The following HDAC4 variants were observed in gnomAD, a reference collection of about 807,000 sequenced individuals.
HDAC4 encodes histone deacetylase 4, also known as histone deacetylase A.
A neutral mutation model predicts 135.1 loss-of-function variants in HDAC4; 16 were observed. The ratio of observed to expected loss-of-function variants is 0.12; its 90% CI spans 0.08 to 0.18. HDAC4 has a LOEUF of 0.18. Among genes scored for constraint, HDAC4 ranks in the 10% least tolerant of loss-of-function variants. The pLI, the probability that HDAC4 is intolerant of heterozygous loss-of-function variation, is 1.00. For synonymous variants in HDAC4, 685 were observed against 653.4 expected (o/e 1.05, Z -0.74); for missense variants, 1,143 against 1,511.8 (o/e 0.76, Z 4.05).
At chr2:239,210,047 TAGAC>T (rs541208670) in intron 3 of HDAC4, among the ~76,000 whole-genome samples, 96 of 152,286 alleles carry the variant, frequency 6.3e-4, no homozygotes, top group Non-Finnish European at 1.2e-3. Flanking sequence ...GGCTTTCTCA[TAGAC>T]AGCCGAATCT....
At chr2:239,317,726 T>C (rs2053165863) in intron 2 of HDAC4, among the ~76,000 whole-genome samples, 1 of 151,632 alleles carries the variant, frequency 6.6e-6, no homozygotes, top group Non-Finnish European at 1.5e-5. Context: ...ACTACAGGAG[T>C]CCACATTTCA....
At chr2:239,330,336 C>T (rs975889386) in intron 2 of HDAC4, among the ~76,000 whole-genome samples, 7 of 152,250 alleles carry the variant, frequency 4.6e-5, no homozygotes, top group Admixed American at 1.3e-4. Context: ...GGAGACCCCG[C>T]GAGGGAGTGG....
chr2:239,338,935 C>G (rs533934796), intron 2 of HDAC4, among the ~76,000 whole-genome samples: 3 of 152,186 alleles, frequency 2.0e-5, no homozygotes, highest in Non-Finnish European at 2.9e-5. Context: ...AGTTTTGTTT[C>G]CGGAGAGCAT....
chr2:239,107,981 C>T (rs367825741), intron 15 of HDAC4, 69 bp downstream of exon 15: 78 of 1,587,256 alleles, frequency 4.9e-5, no homozygotes, highest in Middle Eastern at 4.6e-4. Flanking sequence ...CTGAATCACG[C>T]GGGCCCACGA....
intron 1 of HDAC4, among the ~76,000 whole-genome samples, chr2:239,398,347 C>A (rs900332015): frequency 6.6e-6 from 1 of 152,204 alleles, no homozygotes; most frequent in African/African-American, 2.4e-5. Flanking sequence ...TTGGTGCCAC[C>A]CCCAACATTA....
At position 239,313,684 on chromosome 2, in the gene HDAC4, C is replaced by T. The variant is rs1286028446; in HGVS notation, c.22+38994G>A. On this transcript the variant is annotated intron_variant, in intron 2 of 26. Coordinates refer to ENST00000543185, the MANE Select transcript of HDAC4 (RefSeq NM_001378414.1). This position sits in a 1 kb window ranked among gnomAD's most constrained non-coding sequence, Gnocchi z 5.1. ...AGCGCCTCAAAAGAAAGCCAACGTA[C>T]AGCACTGGTGACAGAAAGGAAGATT... 6.6e-6 allele frequency among the ~76,000 whole-genome samples: 1 copy of T among 152,204 alleles called. No homozygotes were observed. The highest frequency in any genetic ancestry group is 2.4e-5 in the African/African-American group (1 of 41,448).
intron 2 of HDAC4, chr2:239,298,702 ACT>A: frequency 1.3e-6 from 1 of 767,170 alleles, no homozygotes; most frequent in African/African-American, 1.9e-5. Context: ...AAATCATGAC[ACT>A]CCACCTACAG....
At chr2:239,320,918 T>G (rs1006389072) in intron 2 of HDAC4, among the ~76,000 whole-genome samples, 3 of 152,230 alleles carry the variant, frequency 2.0e-5, no homozygotes, top group African/African-American at 7.2e-5. Context: ...ACTGAAATAA[T>G]TATTTTATCT....
In HDAC4 at chr2:239,068,556, C is replaced by T; in HGVS notation, c.2802G>A (p.Val934=). The part of the protein sequence containing the change: ...ASEFAPDVVL[V]SSGFDAVEGH... ...CCTCCACGGCATCGAAGCCTGATGA[C>T]ACCAGCACCACATCCGGGGCAAACT... The change falls in exon 23 of 27, where the codon GTG becomes GTA. Residue 934 remains valine, a synonymous_variant. Coordinates refer to ENST00000543185, the MANE Select transcript of HDAC4 (RefSeq NM_001378414.1). This position sits in a 1 kb window ranked among gnomAD's most constrained non-coding sequence, Gnocchi z 4.4. 2 of 1,614,122 alleles carry T rather than the reference C, an allele frequency of 1.2e-6. No individual in the cohort carries two copies. Among genetic ancestry groups the T allele is most frequent in the Non-Finnish European group, 1.7e-6 (2 of 1,180,038 alleles).
intron 3 of HDAC4, 84 bp from the exon 4 acceptor site, chr2:239,190,161 C>CCCCG: frequency 6.7e-7 from 1 of 1,484,430 alleles, no homozygotes; most frequent in Non-Finnish European, 8.9e-7. Flanking sequence ...ACACACTGGC[C>CCCCG]ACCTTCACGG....
At chr2:239,290,006 C>G (rs12476417) in intron 2 of HDAC4, among the ~76,000 whole-genome samples, 1 of 152,166 alleles carries the variant, frequency 6.6e-6, no homozygotes, top group African/African-American at 2.4e-5. Context: ...TAACAAAGTT[C>G]TATCAACTAC....
intron 1 of HDAC4, among the ~76,000 whole-genome samples, chr2:239,370,326 G>A (rs780298335): frequency 1.3e-5 from 2 of 152,208 alleles, no homozygotes; most frequent in Non-Finnish European, 2.9e-5. Flanking sequence ...TGAAAGACAT[G>A]GCTCGGGGCT....
intron 16 of HDAC4, among the ~76,000 whole-genome samples, chr2:239,099,278 G>A (rs3791393): frequency 0.29 from 44,561 of 152,138 alleles, 6,741 homozygotes; most frequent in Non-Finnish European, 0.33. Flanking sequence ...AATGGATGAA[G>A]GTGTCAGGAG....
At chr2:239,201,467 T>C (rs531767488) in intron 3 of HDAC4, among the ~76,000 whole-genome samples, 5 of 152,344 alleles carry the variant, frequency 3.3e-5, no homozygotes, top group African/African-American at 1.2e-4. Flanking sequence ...GGCTTGGGCT[T>C]TGGTTTCATT....
At position 239,080,022 on chromosome 2, in the gene HDAC4, TGA is replaced by T. The variant is rs533715727; in HGVS notation, c.2750+1071_2750+1072del. ...TGGCTGTAGACACCTGCACAAGCAC[TGA>T]GAGACATGCACACAGATGAACACCC... On this transcript the variant is annotated intron_variant, in intron 22 of 26. Coordinates refer to ENST00000543185, the MANE Select transcript of HDAC4 (RefSeq NM_001378414.1). Among the ~76,000 whole-genome samples, 123 of 150,542 alleles carry T rather than the reference TGA, an allele frequency of 8.2e-4. 2 individuals are homozygous for T. Among genetic ancestry groups the T allele is most frequent in the South Asian group, 1.5e-3 (7 of 4,794 alleles).
At chr2:239,226,409 G>A (rs2153144692) in intron 3 of HDAC4, among the ~76,000 whole-genome samples, 1 of 152,232 alleles carries the variant, frequency 6.6e-6, no homozygotes, top group East Asian at 1.9e-4. Context: ...TGCTGGGACT[G>A]CCACATAGCT....
intron 2 of HDAC4, among the ~76,000 whole-genome samples, chr2:239,271,664 G>A (rs999264142): frequency 1.3e-5 from 2 of 152,248 alleles, no homozygotes; most frequent in African/African-American, 4.8e-5. Context: ...CTGGGTGGCT[G>A]AGGCCGGCAC....
At chr2:239,066,629 G>A in intron 24 of HDAC4, 93 bp downstream of exon 24, 1 of 1,571,878 alleles carries the variant, frequency 6.4e-7, no homozygotes, top group African/African-American at 1.3e-5. Context: ...AGACCCACTG[G>A]CTTTTTCATG....
chr2:239,251,436 A>C (rs962100039), intron 2 of HDAC4, among the ~76,000 whole-genome samples: 1 of 152,144 alleles, frequency 6.6e-6, no homozygotes, highest in African/African-American at 2.4e-5. Flanking sequence ...CCTATCAACA[A>C]TACAAAAAAT....
Sources: allele counts gnomAD v4.1 joint callset (sites outside exome capture counted in the v4.1 genomes callset), GRCh38; gene constraint gnomAD v4.1.1; non-coding constraint Gnocchi (gnomAD v3.1); transcripts MANE v1.5; gene names NCBI Gene and HGNC (gene_info 2026-07-23, HGNC 2026-07-21).